PRKCZ: variants seen among roughly 807,000 people sequenced by gnomAD.
The protein encoded by PRKCZ is protein kinase C zeta type.
PRKCZ carries 33 observed loss-of-function variants against 79.5 expected under a neutral mutation model. The ratio of observed to expected loss-of-function variants is 0.41; its 90% CI spans 0.31 to 0.55. PRKCZ has a LOEUF of 0.55. Among genes scored for constraint, PRKCZ ranks in the 20% least tolerant of loss-of-function variants. The probability of loss-of-function intolerance (pLI) is 0.19; values close to 1 mark genes in which losing one functional copy is unlikely to be tolerated. For synonymous variants in PRKCZ, 342 were observed against 320.9 expected (o/e 1.07, Z -0.70); for missense variants, 578 against 813.5 (o/e 0.71, Z 3.52).
chr1:2,052,704 C>T (rs1314436214), intron 1 of PRKCZ, among the ~76,000 whole-genome samples: 1 of 152,182 alleles, frequency 6.6e-6, no homozygotes, highest in African/African-American at 2.4e-5. Context: ...GGGTGGGACA[C>T]TCAGGCCTTA....
chr1:2,180,512 T>C (rs193231038), intron 16 of PRKCZ, among the ~76,000 whole-genome samples: 14 of 144,702 alleles, frequency 9.7e-5, no homozygotes, highest in Admixed American at 2.7e-4. Context: ...ACAGATGACG[T>C]GGACGCACAG....
intron 4 of PRKCZ, among the ~76,000 whole-genome samples, chr1:2,097,644 C>T (rs1446817930): frequency 6.6e-6 from 1 of 151,814 alleles, no homozygotes; most frequent in African/African-American, 2.4e-5. Flanking sequence ...GTGTGCACCC[C>T]CAGCCCATGC....
At chr1:2,181,696 G>A (rs951285159) in intron 16 of PRKCZ, 5 of 387,690 alleles carry the variant, frequency 1.3e-5, no homozygotes, top group Admixed American at 9.2e-5. Flanking sequence ...CCAGGGGCTG[G>A]AGGACCCTGG....
At chr1:2,074,302 G>C (rs1225673955) in intron 4 of PRKCZ, 3 of 1,548,726 alleles carry the variant, frequency 1.9e-6, no homozygotes, top group Non-Finnish European at 2.6e-6. Flanking sequence ...TGGTGGATGT[G>C]TGGCGGTGGC....
At chr1:2,052,310 G>A (rs1230957930) in intron 1 of PRKCZ, among the ~76,000 whole-genome samples, 1 of 152,120 alleles carries the variant, frequency 6.6e-6, no homozygotes, top group Non-Finnish European at 1.5e-5. Context: ...GAGCACTTTG[G>A]TGGTGGGGCG....
intron 4 of PRKCZ, among the ~76,000 whole-genome samples, chr1:2,129,472 A>C (rs1674549374): frequency 6.6e-6 from 1 of 152,022 alleles, no homozygotes; most frequent in Non-Finnish European, 1.5e-5. Flanking sequence ...CTCCTGGAAG[A>C]GGCAGGATGG....
chr1:2,155,133 C>T (rs926121180), intron 9 of PRKCZ, among the ~76,000 whole-genome samples: 39 of 151,520 alleles, frequency 2.6e-4, no homozygotes, highest in African/African-American at 9.0e-4. Flanking sequence ...ATGATGGTGA[C>T]GATGATGGTG....
intron 4 of PRKCZ, among the ~76,000 whole-genome samples, chr1:2,110,749 A>G (rs1301719884): frequency 7.1e-6 from 1 of 141,802 alleles, no homozygotes; most frequent in Non-Finnish European, 1.5e-5. Flanking sequence ...GTCCTGAGAG[A>G]GCTGGGAGCA....
At chr1:2,107,992 C>G (rs1409522074) in intron 4 of PRKCZ, among the ~76,000 whole-genome samples, 3 of 152,028 alleles carry the variant, frequency 2.0e-5, no homozygotes, top group African/African-American at 7.3e-5. Flanking sequence ...AAGGGAGCCC[C>G]CCAACCCCGG....
At chr1:2,184,901 C>A in intron 17 of PRKCZ, 21 bp from the exon 18 acceptor site, 1 of 1,607,292 alleles carries the variant, frequency 6.2e-7, no homozygotes. Flanking sequence ...CCCCCCTCCC[C>A]CCTGCCACCT....
intron 10 of PRKCZ, 197 bp from the exon 11 acceptor site, chr1:2,169,321 C>A (rs1321428083): frequency 1.6e-6 from 1 of 628,974 alleles, no homozygotes; most frequent in East Asian, 3.2e-5. Flanking sequence ...CTCACCTGCA[C>A]CCTTCACGAG....
At position 2,173,502 on chromosome 1, in the gene PRKCZ, G is replaced by A. The variant is rs1684869752; in HGVS notation, c.1286-395G>A. On this transcript the variant is annotated intron_variant, in intron 13 of 17. Transcript: ENST00000378567. This position sits in a 1 kb window ranked among gnomAD's most constrained non-coding sequence, Gnocchi z 5.7. Reference sequence around the variant, plus strand: ...CTTGAACCTTTTTAAAAAACAAAATGGCTGTAGAAGGAAACACAGGAGAGT... The same window carrying A: ...CTTGAACCTTTTTAAAAAACAAAATAGCTGTAGAAGGAAACACAGGAGAGT... Among the ~76,000 whole-genome samples, 1 of 152,172 alleles carries A rather than the reference G, an allele frequency of 6.6e-6. No homozygotes were observed. The highest frequency in any genetic ancestry group is 2.1e-4 in the South Asian group (1 of 4,832).
intron 4 of PRKCZ, among the ~76,000 whole-genome samples, chr1:2,121,829 C>CACG (rs201932689): frequency 6.4e-4 from 1 of 1,560 alleles, no homozygotes; most frequent in Non-Finnish European, 9.4e-4. Flanking sequence ...TGGTTAGGGT[C>CACG]GTGGTAGTTA....
chr1:2,060,879 G>A (rs899925080), intron 4 of PRKCZ, among the ~76,000 whole-genome samples: 1 of 152,212 alleles, frequency 6.6e-6, no homozygotes, highest in South Asian at 2.1e-4. Flanking sequence ...GATCACCTAC[G>A]CAGCTGCCCT....
intron 4 of PRKCZ, among the ~76,000 whole-genome samples, chr1:2,100,310 G>A (rs1667222442): frequency 6.6e-6 from 1 of 152,224 alleles, no homozygotes; most frequent in Non-Finnish European, 1.5e-5. Context: ...TTCCTTGGAG[G>A]CAGCGTCTTC....
chr1:2,174,056 G>A lies in PRKCZ; in HGVS notation c.1405+40G>A, dbSNP rs753487802. 1.6e-5 allele frequency: 24 copies of A among 1,541,648 alleles called. No homozygotes were observed. The highest frequency in any genetic ancestry group is 1.2e-4 in the African/African-American group (9 of 72,466). On this transcript the variant is annotated intron_variant, in intron 14 of 17. Transcript: ENST00000378567. This position sits in a 1 kb window ranked among gnomAD's most constrained non-coding sequence, Gnocchi z 6.2. ...GTGCGTTCGTACCCCTCACCTGCAC[G>A]ACTGTCTTCCTTCCTTTTCAAAGGT...
rs74697444 is a variant in PRKCZ, at chr1:2,085,238, C to T, written c.334+25647C>T. Reference sequence around the variant, plus strand: ...CTCTCTGAAACTTCAGCAACTTTTCCGAGACACGTTGTACCATCCGCCCTA... The same window carrying T: ...CTCTCTGAAACTTCAGCAACTTTTCTGAGACACGTTGTACCATCCGCCCTA... On this transcript the variant is annotated intron_variant, in intron 4 of 17. Coordinates refer to ENST00000378567, the MANE Select transcript of PRKCZ (RefSeq NM_002744.6). Among the ~76,000 whole-genome samples the T allele has an allele frequency of 3.2e-3, 483 of 152,328 alleles. 23 individuals are homozygous for T. The East Asian group carries it at 0.079, about 25-fold the overall frequency.
At chr1:2,157,371 G>A (rs1286425706) in intron 10 of PRKCZ, among the ~76,000 whole-genome samples, 1 of 151,958 alleles carries the variant, frequency 6.6e-6, no homozygotes, top group East Asian at 1.9e-4. Flanking sequence ...GGCACACACA[G>A]TTTGGGCACA....
chr1:2,125,862 G>A lies in PRKCZ; in HGVS notation c.335-9400G>A, dbSNP rs1482386293. Among the ~76,000 whole-genome samples, 1 of 152,222 alleles carries A rather than the reference G, an allele frequency of 6.6e-6. No homozygotes were observed. The highest frequency in any genetic ancestry group is 1.5e-5 in the Non-Finnish European group (1 of 68,022). ...TGCGGGGATTTGCGCCCTGGAAGGAGCCGCCCGGCTGCCTCTCGCCAACAT... is the reference window on the plus strand; with the variant it reads ...TGCGGGGATTTGCGCCCTGGAAGGAACCGCCCGGCTGCCTCTCGCCAACAT... On this transcript the variant is annotated intron_variant, in intron 4 of 17. Coordinates refer to ENST00000378567, the MANE Select transcript of PRKCZ (RefSeq NM_002744.6). The surrounding 1 kb of genome is among the most constrained non-coding windows in gnomAD (Gnocchi z 4.2).
Sources: allele counts gnomAD v4.1 joint callset (sites outside exome capture counted in the v4.1 genomes callset), GRCh38; gene constraint gnomAD v4.1.1; non-coding constraint Gnocchi (gnomAD v3.1); transcripts MANE v1.5; gene names NCBI Gene and HGNC (gene_info 2026-07-23, HGNC 2026-07-21).